The following ATP6V1D variants were observed in gnomAD, a reference collection of about 807,000 sequenced individuals.
The protein encoded by ATP6V1D is V-type proton ATPase subunit D.
ATP6V1D carries 20 observed loss-of-function variants against 39.4 expected under a neutral mutation model. That is an observed-to-expected ratio of 0.51 (90% confidence interval 0.36 to 0.74). The LOEUF is 0.74. Ranked by LOEUF, ATP6V1D falls within the 30% of genes least tolerant of loss-of-function variation. The probability of loss-of-function intolerance (pLI) is 0.00; values close to 1 mark genes in which losing one functional copy is unlikely to be tolerated. For synonymous variants in ATP6V1D, 100 were observed against 100.5 expected, an observed-to-expected ratio of 0.99 and a Z score of 0.03; for missense variants, 228 against 291.6, an observed-to-expected ratio of 0.78 and a Z score of 1.59.
intron 8 of ATP6V1D, among the ~76,000 whole-genome samples, chr14:67,339,406 G>A (rs1345507652): frequency 3.9e-5 from 6 of 152,076 alleles, no homozygotes; most frequent in South Asian, 4.1e-4. Context: ...GAGTATCATG[G>A]AAGGACAGAA....
At chr14:67,356,192 G>A (rs2085683908) in intron 1 of ATP6V1D, among the ~76,000 whole-genome samples, 1 of 152,116 alleles carries the variant, frequency 6.6e-6, no homozygotes, top group Non-Finnish European at 1.5e-5. Flanking sequence ...GGCCGAGGCA[G>A]GTGGATAACT....
At chr14:67,339,028 C>G (rs1340335196) in intron 8 of ATP6V1D, among the ~76,000 whole-genome samples, 2 of 131,890 alleles carry the variant, frequency 1.5e-5, no homozygotes, top group Admixed American at 8.6e-5. Context: ...GAGTCTTGCT[C>G]TGTCGCCCAG....
At chr14:67,339,278 T>C (rs1333412320) in intron 8 of ATP6V1D, among the ~76,000 whole-genome samples, 1 of 152,202 alleles carries the variant, frequency 6.6e-6, no homozygotes, top group Non-Finnish European at 1.5e-5. Context: ...ATTACAGGCA[T>C]GAGCCACCGA....
intron 1 of ATP6V1D, among the ~76,000 whole-genome samples, chr14:67,357,415 G>GA (rs2085692835): frequency 6.6e-6 from 1 of 152,186 alleles, no homozygotes; most frequent in African/African-American, 2.4e-5. Flanking sequence ...CAGCCATGGG[G>GA]AAAATATTTA....
rs772748904 is a variant in ATP6V1D at position 67,359,717 on chromosome 14, G to T, written c.-19C>A. On this transcript the variant is annotated 5_prime_UTR_variant, in exon 1 of 9. Transcript: ENST00000216442. ...CCGACATTCTGACGATAACTTTTCG[G>T]CTCGGGTCCCCGGCCGGGCAACCGA... 6.2e-7 allele frequency: 1 copy of T among 1,613,572 alleles called. No individual in the cohort carries two copies. Among genetic ancestry groups the T allele is most frequent in the Admixed American group, 1.7e-5 (1 of 59,984 alleles).
intron 7 of ATP6V1D, among the ~76,000 whole-genome samples, chr14:67,342,619 C>CA (rs1314454186): frequency 6.8e-6 from 1 of 147,028 alleles, no homozygotes; most frequent in East Asian, 2.0e-4. Context: ...AGCAAGCAGT[C>CA]AAAAAGGTTT....
chr14:67,352,744 A>T (rs1285720358), intron 2 of ATP6V1D, 179 bp downstream of exon 2: 4 of 535,788 alleles, frequency 7.5e-6, no homozygotes, highest in Non-Finnish European at 1.3e-5. Context: ...AGGCAAGATT[A>T]AAGAGTTTGG....
chr14:67,355,949 A>G (rs1475124460), intron 1 of ATP6V1D, among the ~76,000 whole-genome samples: 1 of 152,160 alleles, frequency 6.6e-6, no homozygotes, highest in Non-Finnish European at 1.5e-5. Flanking sequence ...GTGAGCTGTG[A>G]TCATGCCACT....
In ATP6V1D at chr14:67,345,783, T is replaced by C; in HGVS notation, c.441A>G (p.Glu147=). ...NYAKAVELLV[E]LASLQTSFVT... The stretch of plus-strand genomic sequence containing the variant: ...TGCTACTTACCTGCAGAGAAGCTAG[T>C]TCCACCAGTAGTTCCACTGCTTTGG... Residue 147 remains glutamate, a synonymous_variant, in exon 6 of 9, where the codon GAA becomes GAG. Transcript: ENST00000216442. 1 of 1,613,448 alleles carries C rather than the reference T, an allele frequency of 6.2e-7. No homozygotes were observed.
chr14:67,338,785 G>T, intron 8 of ATP6V1D, 23 bp from the exon 9 acceptor site: 2 of 1,590,194 alleles, frequency 1.3e-6, no homozygotes, highest in Non-Finnish European at 8.6e-7. Flanking sequence ...GGTGGGGGTG[G>T]ATTTTTTAAA....
chr14:67,352,752 T>C, intron 2 of ATP6V1D, 171 bp downstream of exon 2: 1 of 550,780 alleles, frequency 1.8e-6, no homozygotes, highest in East Asian at 3.1e-5. Context: ...TTAAAGAGTT[T>C]GGATTTTATT....
intron 3 of ATP6V1D, among the ~76,000 whole-genome samples, 180 bp downstream of exon 3, chr14:67,350,431 G>A (rs1416146069): frequency 6.6e-6 from 1 of 152,214 alleles, no homozygotes; most frequent in Non-Finnish European, 1.5e-5. Context: ...AACTATGTAA[G>A]AATTACATGT....
Position 67,359,197 on chromosome 14 carries a change from T to G in ATP6V1D, c.41+461A>C, listed in dbSNP as rs72719105. ...TAGGGCGATTCGATTCCATCCCCACTTTGGCTTAGGGACCTCTTCTATATC... is the reference window on the plus strand; with the variant it reads ...TAGGGCGATTCGATTCCATCCCCACGTTGGCTTAGGGACCTCTTCTATATC... On this transcript the variant is annotated intron_variant, in intron 1 of 8. Coordinates refer to ENST00000216442, the MANE Select transcript of ATP6V1D (RefSeq NM_015994.4). 9.9e-3 allele frequency among the ~76,000 whole-genome samples: 1,506 copies of G among 152,332 alleles called. 10 individuals carry two copies. Among genetic ancestry groups the G allele is most frequent in the Non-Finnish European group, 0.015 (1,009 of 68,026 alleles).
chr14:67,358,506 A>G (rs147092075), intron 1 of ATP6V1D, among the ~76,000 whole-genome samples: 1 of 152,242 alleles, frequency 6.6e-6, no homozygotes, highest in Admixed American at 6.5e-5. Context: ...TCTAAATGTC[A>G]GGGTCAAAAC....
In ATP6V1D at chr14:67,349,101, A is replaced by G. The variant is rs2085640988; in HGVS notation, c.243T>C (p.Thr81=). Residue 81 remains threonine (T), a synonymous_variant, in exon 4 of 9, where the codon ACT becomes ACC. Transcript: ENST00000216442. ...CTTTATTGACATTTTGGATAACTGT[A>G]GTGCTGCAGAAAAAGAGAAAGACTT... ...EAKFTAGDFS[T]TVIQNVNKAQ... is the part of the protein sequence containing the mutation. 2 of 1,613,864 alleles carry G rather than the reference A, an allele frequency of 1.2e-6. No homozygotes were observed. The highest frequency in any genetic ancestry group is 1.7e-6 in the Non-Finnish European group (2 of 1,179,794).
intron 4 of ATP6V1D, 21 bp from the exon 5 acceptor site, chr14:67,347,474 C>T (rs1319434800): frequency 2.2e-5 from 35 of 1,569,452 alleles, no homozygotes; most frequent in Non-Finnish European, 2.6e-5. Flanking sequence ...CAGAAGCATA[C>T]ATGGATTCAT....
intron 4 of ATP6V1D, 125 bp from the exon 5 acceptor site, chr14:67,347,578 C>A: frequency 1.3e-6 from 1 of 750,666 alleles, no homozygotes; most frequent in Admixed American, 2.7e-5. Context: ...CTCGCCTCAC[C>A]GCAACCTCTG....
chr14:67,359,432 G>T (rs2085711532), intron 1 of ATP6V1D, among the ~76,000 whole-genome samples: 1 of 152,164 alleles, frequency 6.6e-6, no homozygotes, highest in African/African-American at 2.4e-5. Flanking sequence ...CCGCCGGCCG[G>T]GCGCCTTTTC....
Position 67,351,911 on chromosome 14 carries a change from C to CA in ATP6V1D, c.159+1011dup, listed in dbSNP as rs758907410. Among the ~76,000 whole-genome samples, 1,039 of 128,018 alleles carry CA rather than the reference C, an allele frequency of 8.1e-3. 33 individuals carry two copies. Among genetic ancestry groups the CA allele is most frequent in the African/African-American group, 0.031 (947 of 30,948 alleles). 84.0% of individuals were successfully genotyped at this position (128,018 alleles called of 152,430 possible). ...GGCAGAATACACATAGAACCTCTAC[C>CA]AAAAAAAAAAAGAAGACATTTACCA... is the stretch of plus-strand genomic sequence containing the variant. On this transcript the variant is annotated intron_variant, in intron 2 of 8. Coordinates refer to ENST00000216442, the MANE Select transcript of ATP6V1D (RefSeq NM_015994.4).
Sources: gnomAD v4.1 joint callset for allele counts (sites outside exome capture counted in the v4.1 genomes callset) on GRCh38, gnomAD v4.1.1 for gene constraint, MANE v1.5 for transcripts, NCBI Gene and HGNC (gene_info 2026-07-23, HGNC 2026-07-21) for gene names.